SDK2: variants seen among roughly 807,000 people sequenced by gnomAD.
The protein encoded by SDK2 is sidekick cell adhesion molecule 2.
Under a neutral mutation model 253.9 loss-of-function variants are expected in SDK2, and 105 were observed. That is an observed-to-expected ratio of 0.41 (90% CI 0.35 to 0.49). The LOEUF (loss-of-function observed/expected upper bound fraction) is 0.49, where lower values mean the gene tolerates loss of function less well. Ranked by LOEUF, SDK2 falls within the 20% of genes least tolerant of loss-of-function variation. The pLI is 0.06. For missense variants in SDK2, 2,608 were observed against 3,003.0 expected, an observed-to-expected ratio of 0.87 and a Z score of 3.07; for synonymous variants, 1,249 against 1,234.9, an observed-to-expected ratio of 1.01 and a Z score of -0.24.
At chr17:73,476,267 A>AAGCACAACC (rs1246710530) in intron 2 of SDK2, among the ~76,000 whole-genome samples, 7 of 152,268 alleles carry the variant, frequency 4.6e-5, no homozygotes, top group African/African-American at 1.4e-4. Context: ...ACAAATACAC[A>AAGCACAACC]AGCACAAACG....
At chr17:73,490,216 G>C (rs2063796518) in intron 2 of SDK2, among the ~76,000 whole-genome samples, 1 of 152,156 alleles carries the variant, frequency 6.6e-6, no homozygotes, top group Non-Finnish European at 1.5e-5. Context: ...AGTGCCCCTG[G>C]TACCTGACAC....
At chr17:73,441,230 C>T (rs530626247) in intron 5 of SDK2, among the ~76,000 whole-genome samples, 1 of 144,948 alleles carries the variant, frequency 6.9e-6, no homozygotes, top group African/African-American at 2.5e-5. Context: ...CTGTTCCATT[C>T]CCTTCAAATC....
In SDK2 at chr17:73,361,128, C is replaced by T. The variant is rs2062636288; in HGVS notation, c.5467+556G>A. ...CTCCATCAGGTGTTTCTCAAGGTGCCACTTTGTCACGGCCTCCAGGGGCTT... is the reference window on the plus strand; with the variant it reads ...CTCCATCAGGTGTTTCTCAAGGTGCTACTTTGTCACGGCCTCCAGGGGCTT... On this transcript the variant is annotated intron_variant, in intron 39 of 44. Transcript: ENST00000392650. The surrounding 1 kb of genome is among the most constrained non-coding windows in gnomAD (Gnocchi z 4.1). Among the ~76,000 whole-genome samples, 1 of 152,050 alleles carries T rather than the reference C, an allele frequency of 6.6e-6. No homozygotes were observed. Among genetic ancestry groups the T allele is most frequent in the African/African-American group, 2.4e-5 (1 of 41,396 alleles).
intron 3 of SDK2, among the ~76,000 whole-genome samples, chr17:73,458,563 C>T (rs1567784914): frequency 6.6e-6 from 1 of 152,232 alleles, no homozygotes; most frequent in Non-Finnish European, 1.5e-5. Flanking sequence ...GGTTTGACCA[C>T]AATCTCCCTG....
rs187133510 is a variant in SDK2 at position 73,414,014 on chromosome 17, A to G, written c.2484+630T>C. 6.7e-4 allele frequency among the ~76,000 whole-genome samples: 102 copies of G among 151,188 alleles called. 1 individual carries two copies. The highest frequency in any genetic ancestry group is 2.1e-3 in the African/African-American group (85 of 41,242). On this transcript the variant is annotated intron_variant, in intron 18 of 44. Transcript: ENST00000392650. ...ATTTTTCTCATGGGGCCATGGCTAT[A>G]CCAGGTGTTTCTTTTTCTTCTTTTT...
At chr17:73,605,359 G>A (rs890517567) in intron 1 of SDK2, among the ~76,000 whole-genome samples, 2 of 152,136 alleles carry the variant, frequency 1.3e-5, no homozygotes, top group Non-Finnish European at 2.9e-5. Context: ...AGGCTCAGGT[G>A]GAGGTCCGGC....
At chr17:73,607,837 C>A (rs78868170) in intron 1 of SDK2, among the ~76,000 whole-genome samples, 1 of 151,024 alleles carries the variant, frequency 6.6e-6, no homozygotes, top group African/African-American at 2.4e-5. Context: ...CATGCTCTGA[C>A]TTCTGTGTGC....
Position 73,481,777 on chromosome 17 carries a change from T to C in SDK2, c.225-9559A>G, listed in dbSNP as rs970324964. Among the ~76,000 whole-genome samples, 1 of 152,284 alleles carries C rather than the reference T, an allele frequency of 6.6e-6. No homozygotes were observed. Among genetic ancestry groups the C allele is most frequent in the Admixed American group, 6.5e-5 (1 of 15,306 alleles). On this transcript the variant is annotated intron_variant, in intron 2 of 44. Coordinates refer to ENST00000392650, the MANE Select transcript of SDK2 (RefSeq NM_001144952.2). The surrounding 1 kb of genome is among the most constrained non-coding windows in gnomAD (Gnocchi z 4.5). ...CTGCAGACTCTAGGACTTACACCCA[T>C]GGGCTCTCGGTTTCCAGGCCTTTGG...
In SDK2 at chr17:73,455,872, T is replaced by G; in HGVS notation, c.479+34A>C. On this transcript the variant is annotated intron_variant, in intron 4 of 44. Coordinates refer to ENST00000392650, the MANE Select transcript of SDK2 (RefSeq NM_001144952.2). The surrounding 1 kb of genome is among the most constrained non-coding windows in gnomAD (Gnocchi z 5.0). ...CCAAACCTCCTCCCCCAGACACCCCTCCCCTCCCCGTCCCCTCAGAGCGAT... is the reference window on the plus strand; with the variant it reads ...CCAAACCTCCTCCCCCAGACACCCCGCCCCTCCCCGTCCCCTCAGAGCGAT... The G allele has an allele frequency of 2.5e-5, 21 of 831,360 alleles. No individual in the cohort carries two copies. The highest frequency in any genetic ancestry group is 3.0e-5 in the Non-Finnish European group (17 of 566,314). The allele number at this position is 831,360 out of a possible 1,614,324, so 51.5% of individuals were successfully genotyped here. A position where few individuals can be genotyped will look rare whatever the true frequency, so the allele number is the denominator to read the frequency against.
At chr17:73,501,918 C>T (rs1289637956) in intron 2 of SDK2, among the ~76,000 whole-genome samples, 1 of 152,200 alleles carries the variant, frequency 6.6e-6, no homozygotes, top group Non-Finnish European at 1.5e-5. Context: ...ACCACTTCTG[C>T]CTAAGGTGAC....
intron 1 of SDK2, among the ~76,000 whole-genome samples, chr17:73,514,617 C>A (rs753193025): frequency 6.6e-6 from 1 of 152,126 alleles, no homozygotes; most frequent in Non-Finnish European, 1.5e-5. Context: ...CAAATGATGT[C>A]CATCTGCCCT....
intron 1 of SDK2, among the ~76,000 whole-genome samples, chr17:73,572,722 T>C (rs1245806098): frequency 6.6e-6 from 1 of 152,182 alleles, no homozygotes; most frequent in Non-Finnish European, 1.5e-5. Flanking sequence ...GGTCTAAGCA[T>C]ATGATGCTCA....
chr17:73,613,414 G>C (rs543192641), intron 1 of SDK2, among the ~76,000 whole-genome samples: 221 of 151,256 alleles, frequency 1.5e-3, no homozygotes, highest in African/African-American at 5.2e-3. Context: ...ATGGTTCCAG[G>C]CTGGCGGAAT....
chr17:73,446,822 G>A (rs1188708549), intron 5 of SDK2, among the ~76,000 whole-genome samples: 2 of 152,124 alleles, frequency 1.3e-5, no homozygotes, highest in Non-Finnish European at 2.9e-5. Context: ...TTGGGCCTAC[G>A]CTGCTCCTGG....
At chr17:73,636,680 CAAAAAAAAAAAAA>C (rs561026344) in intron 1 of SDK2, among the ~76,000 whole-genome samples, 4 of 50,988 alleles carry the variant, frequency 7.8e-5, no homozygotes, top group Non-Finnish European at 1.1e-4. Flanking sequence ...GACTCTGTCT[CAAAAAAAAAAAAA>C]AAAAAAAAAA....
At chr17:73,424,148 G>T in intron 12 of SDK2, 56 bp from the exon 13 acceptor site, 1 of 1,457,210 alleles carries the variant, frequency 6.9e-7, no homozygotes. Context: ...CTTGGGAGTG[G>T]GCCTAGCCTG....
At chr17:73,533,811 T>A (rs562501924) in intron 1 of SDK2, among the ~76,000 whole-genome samples, 3 of 152,152 alleles carry the variant, frequency 2.0e-5, no homozygotes, top group Admixed American at 1.3e-4. Flanking sequence ...TCCAGCTCCT[T>A]CAAGGAAGTG....
intron 2 of SDK2, among the ~76,000 whole-genome samples, chr17:73,488,392 C>T (rs1395095517): frequency 1.3e-5 from 2 of 152,224 alleles, no homozygotes; most frequent in African/African-American, 4.8e-5. Flanking sequence ...ATTTGTTCCA[C>T]TGCGATTGAT....
chr17:73,345,351 T>A (rs2062474029), intron 44 of SDK2, among the ~76,000 whole-genome samples: 1 of 152,104 alleles, frequency 6.6e-6, no homozygotes, highest in East Asian at 1.9e-4. Context: ...AGAAAGACTT[T>A]TGTTCACCAC....
Sources: allele counts gnomAD v4.1 joint callset (sites outside exome capture counted in the v4.1 genomes callset), GRCh38; gene constraint gnomAD v4.1.1; non-coding constraint Gnocchi (gnomAD v3.1); transcripts MANE v1.5; gene names NCBI Gene and HGNC (gene_info 2026-07-23, HGNC 2026-07-21).